MORN3: variants seen among roughly 807,000 people sequenced by gnomAD.
The protein encoded by MORN3 is MORN repeat containing 3, also known as MORN repeat-containing protein 3.
A neutral mutation model predicts 34.7 loss-of-function variants in MORN3; 38 were observed. That is an observed-to-expected ratio of 1.10 (90% CI 0.85 to 1.44). The LOEUF (loss-of-function observed/expected upper bound fraction) is 1.44. Ranked by LOEUF, MORN3 falls within the 40% of genes most tolerant of loss-of-function variation. The pLI, the probability that MORN3 is intolerant of heterozygous loss-of-function variation, is 0.00. For synonymous variants in MORN3, 109 were observed against 115.3 expected (o/e 0.95, Z 0.35); for missense variants, 311 against 321.7 (o/e 0.97, Z 0.25).
chr12:121,652,984 G>C, intron 4 of MORN3, 91 bp downstream of exon 4: 3 of 1,474,080 alleles, frequency 2.0e-6, no homozygotes, highest in Non-Finnish European at 9.2e-7. Context: ...GGCTTGGCTG[G>C]GCCTGGCAGA....
At chr12:121,669,007 T>G (rs1004427188) in intron 1 of MORN3, among the ~76,000 whole-genome samples, 2 of 152,120 alleles carry the variant, frequency 1.3e-5, no homozygotes, top group Non-Finnish European at 2.9e-5. Flanking sequence ...GGCGTGGCTT[T>G]TCTTGTTGCC....
chr12:121,663,421 C>T (rs887079115), intron 1 of MORN3, among the ~76,000 whole-genome samples: 1 of 152,256 alleles, frequency 6.6e-6, no homozygotes, highest in Middle Eastern at 3.4e-3. Flanking sequence ...TGGTCTCCAA[C>T]TCACGACCTC....
At chr12:121,662,028 T>C (rs930304429) in intron 1 of MORN3, among the ~76,000 whole-genome samples, 6 of 152,000 alleles carry the variant, frequency 3.9e-5, no homozygotes, top group African/African-American at 2.4e-5. Context: ...AGACAAATAC[T>C]GCATGATTTT....
At chr12:121,662,249 T>C (rs535632618) in intron 1 of MORN3, among the ~76,000 whole-genome samples, 4 of 152,040 alleles carry the variant, frequency 2.6e-5, no homozygotes, top group Non-Finnish European at 4.4e-5. Context: ...GGTAAATCAC[T>C]TGAGGCTAGA....
intron 1 of MORN3, among the ~76,000 whole-genome samples, chr12:121,660,032 G>A (rs944956386): frequency 7.3e-5 from 11 of 151,376 alleles, no homozygotes; most frequent in South Asian, 2.1e-4. Flanking sequence ...TCAGGAGTTC[G>A]AGACCAGCCT....
At position 121,654,000 on chromosome 12, in the gene MORN3, C is replaced by T. The variant is rs782041396; in HGVS notation, c.463+274G>A. 3.9e-4 allele frequency among the ~76,000 whole-genome samples: 60 copies of T among 152,106 alleles called. 2 individuals are homozygous for T. The highest frequency in any genetic ancestry group is 2.2e-4 in the Non-Finnish European group (15 of 68,022). ...TTCCCCACACCCACTAATGTCACCA[C>T]CCCCATAGTCCTAGGCAACCATTAG... On this transcript the variant is annotated intron_variant, in intron 3 of 5. Transcript: ENST00000355329.
chr12:121,665,146 C>T lies in MORN3; in HGVS notation c.145+4193G>A, dbSNP rs898851285. On this transcript the variant is annotated intron_variant, in intron 1 of 5. Coordinates refer to ENST00000355329, the MANE Select transcript of MORN3 (RefSeq NM_173855.5). ...AAGAGTGAGAGCAGGAGGCATCCAA[C>T]AGTCGAGTTAGGGGTTGATACGCAC... is the stretch of plus-strand genomic sequence containing the variant. Among the ~76,000 whole-genome samples the T allele has an allele frequency of 9.9e-5, 15 of 151,898 alleles. 1 individual carries two copies. Among genetic ancestry groups the T allele is most frequent in the South Asian group, 2.1e-4 (1 of 4,820 alleles).
intron 1 of MORN3, among the ~76,000 whole-genome samples, chr12:121,660,982 T>A (rs1213337374): frequency 1.3e-5 from 2 of 152,062 alleles, no homozygotes; most frequent in Non-Finnish European, 2.9e-5. Context: ...TTCTTTCTTT[T>A]TTTTAGACAG....
At chr12:121,664,895 A>C (rs1893696004) in intron 1 of MORN3, among the ~76,000 whole-genome samples, 1 of 135,088 alleles carries the variant, frequency 7.4e-6, no homozygotes. Context: ...AAAGACACTG[A>C]TGGATGCTCA....
chr12:121,652,678 T>C (rs1594218899), intron 5 of MORN3, 50 bp downstream of exon 5: 1 of 1,566,016 alleles, frequency 6.4e-7, no homozygotes, highest in South Asian at 1.1e-5. Flanking sequence ...TTCTGGGCCC[T>C]GGAGCAGCCT....
Position 121,648,895 on chromosome 12 carries a change from T to C in MORN3, c.*2756A>G, listed in dbSNP as rs1893191133. ...TTTGCCAGTTTATTGTGTTTAAATC[T>C]AGCGACATTTTGTACATAAACAAGC... On this transcript the variant is annotated 3_prime_UTR_variant, in exon 6 of 6. Transcript: ENST00000355329. The C allele has an allele frequency of 6.6e-6, 1 of 152,054 alleles. No homozygotes were observed. The highest frequency in any genetic ancestry group is 1.5e-5 in the Non-Finnish European group (1 of 68,038). The allele number at this position is 152,054 out of a possible 1,614,324, so 9.4% of individuals were successfully genotyped here.
At chr12:121,651,996 G>T (rs1170339035) in intron 5 of MORN3, among the ~76,000 whole-genome samples, 1 of 152,104 alleles carries the variant, frequency 6.6e-6, no homozygotes, top group East Asian at 1.9e-4. Context: ...GAGTGCAGTG[G>T]CACAGTCTCA....
rs186526457 is a variant in MORN3, at chr12:121,653,248, G to T, written c.475C>A (p.Arg159Ser). ...CCTCTCTCCCAGCAGCCCTCGTAGCGGTTCCCGTTCTCTGGGGGAAAGGAC... is the reference window on the plus strand; with the variant it reads ...CCTCTCTCCCAGCAGCCCTCGTAGCTGTTCCCGTTCTCTGGGGGAAAGGAC... ...EGMLRLKNGNRYEGCWERGMK... is the reference protein window; with the variant it reads ...EGMLRLKNGNSYEGCWERGMK... The change falls in exon 4 of 6, where the codon CGC (arginine) becomes AGC (serine). Residue 159 changes from arginine to serine, a missense_variant. Physicochemically the swap from Arg to Ser is moderately radical, Grantham distance 110 (BLOSUM62 -1). Transcript: ENST00000355329. 1 of 1,613,748 alleles carries T rather than the reference G, an allele frequency of 6.2e-7. No individual in the cohort carries two copies. Among genetic ancestry groups the T allele is most frequent in the African/African-American group, 1.3e-5 (1 of 74,904 alleles).
At chr12:121,659,131 A>ATG (rs2136873697) in intron 2 of MORN3, 60 bp downstream of exon 2, 1 of 1,406,516 alleles carries the variant, frequency 7.1e-7, no homozygotes, top group Non-Finnish European at 9.5e-7. Flanking sequence ...CTAAACACAC[A>ATG]CGCGCGCACA....
Position 121,654,375 on chromosome 12 carries a change from C to T in MORN3, c.362G>A (p.Ser121Asn), listed in dbSNP as rs1460974346. ...CATGCGGCCCCACCCGCTGCGCTGG[C>T]TGCCACACCAGTCACCCTCATAATA... ...KEYYEGDWCG[S>N]QRSGWGRMYY... Residue 121 changes from serine (S) to asparagine (N), a missense_variant, in exon 3 of 6, where the codon AGC becomes AAC. By Grantham distance (46) the Ser-to-Asn change is conservative. Coordinates refer to ENST00000355329, the MANE Select transcript of MORN3 (RefSeq NM_173855.5). The T allele has an allele frequency of 1.9e-6, 3 of 1,601,710 alleles. No homozygotes were observed. The highest frequency in any genetic ancestry group is 2.6e-6 in the Non-Finnish European group (3 of 1,174,596).
rs782139243 is a variant in MORN3 at position 121,654,316 on chromosome 12, ACT to A, written c.419_420del (p.Gln140LeufsTer45). 1.2e-5 allele frequency: 19 copies of A among 1,601,540 alleles called. No homozygotes were observed. The East Asian group carries it at 4.0e-4, about 34-fold the overall frequency. On this transcript the variant is annotated frameshift_variant, in exon 3 of 6. Coordinates refer to ENST00000355329, the MANE Select transcript of MORN3 (RefSeq NM_173855.5). LOFTEE classifies it high-confidence loss of function. Reference protein sequence around the residue: ...YYSNGDIYEGQWENDKPNGEG... With the variant: ...YYSNGDIYEGXWENDKPNGEG... ...TCCCCGTTGGGCTTGTCGTTCTCCC[ACT>A]GTCCCTCGTAGATGTCGCCGTTGCT...
intron 3 of MORN3, among the ~76,000 whole-genome samples, chr12:121,653,697 A>G (rs7397295): frequency 0.53 from 80,243 of 151,860 alleles, 22,314 homozygotes; most frequent in African/African-American, 0.71. Context: ...TAGTAGAGAC[A>G]GGGTTTCTCC....
At chr12:121,656,673 G>A (rs921390808) in intron 2 of MORN3, among the ~76,000 whole-genome samples, 1 of 151,918 alleles carries the variant, frequency 6.6e-6, no homozygotes, top group Non-Finnish European at 1.5e-5. Context: ...CACTATGCCC[G>A]GCTAATTTTT....
rs1594219732 is a variant in MORN3 at position 121,653,271 on chromosome 12, G to A, written c.464-12C>T. The A allele has an allele frequency of 6.2e-7, 1 of 1,612,498 alleles. No individual in the cohort carries two copies. ...GCGGTTCCCGTTCTCTGGGGGAAAG[G>A]ACAGGGAGGTGTGGTGCAGGGTACA... On this transcript the variant is annotated splice_polypyrimidine_tract_variant and intron_variant, in intron 3 of 5. Coordinates refer to ENST00000355329, the MANE Select transcript of MORN3 (RefSeq NM_173855.5).
Sources: allele counts gnomAD v4.1 joint callset (sites outside exome capture counted in the v4.1 genomes callset), GRCh38; gene constraint gnomAD v4.1.1; transcripts MANE v1.5; gene names NCBI Gene and HGNC (gene_info 2026-07-23, HGNC 2026-07-21).